The following EYA1 variants were observed in gnomAD, a reference collection of about 807,000 sequenced individuals.
The protein encoded by EYA1 is protein phosphatase EYA1.
EYA1 carries 16 observed loss-of-function variants against 82.0 expected under a neutral mutation model. The ratio of observed to expected loss-of-function variants is 0.20; its 90% CI spans 0.13 to 0.30. The LOEUF is 0.30. Among genes scored for constraint, EYA1 ranks in the 10% least tolerant of loss-of-function variants. EYA1 has a pLI of 1.00. For synonymous variants in EYA1, 261 were observed against 264.4 expected (o/e 0.99, Z 0.12); for missense variants, 633 against 730.7 (o/e 0.87, Z 1.54).
chr8:71,496,638 G>A (rs1365163124), intron 2 of EYA1, among the ~76,000 whole-genome samples: 1 of 152,040 alleles, frequency 6.6e-6, no homozygotes, highest in African/African-American at 2.4e-5. Context: ...TCTTTTATGT[G>A]AACTAACCTC....
chr8:71,207,820 C>T (rs1808007607), intron 17 of EYA1, among the ~76,000 whole-genome samples: 1 of 112,830 alleles, frequency 8.9e-6, no homozygotes. Context: ...AAGGATTTTC[C>T]AAATAATTGT....
At chr8:71,308,804 A>C (rs564093310) in intron 7 of EYA1, among the ~76,000 whole-genome samples, 2 of 151,956 alleles carry the variant, frequency 1.3e-5, no homozygotes, top group African/African-American at 4.8e-5. Flanking sequence ...ATCCCAGCCA[A>C]CATAAGAATG....
intron 2 of EYA1, among the ~76,000 whole-genome samples, chr8:71,399,968 A>C (rs1285513762): frequency 6.6e-6 from 1 of 152,198 alleles, no homozygotes; most frequent in Non-Finnish European, 1.5e-5. Flanking sequence ...CCAATGGAAC[A>C]GAACAGAGAT....
chr8:71,360,015 A>C (rs771537852), intron 1 of EYA1, among the ~76,000 whole-genome samples: 15 of 152,206 alleles, frequency 9.9e-5, no homozygotes, highest in Admixed American at 2.0e-4. Context: ...TAAATTTTAA[A>C]AATAAAAACC....
intron 1 of EYA1, among the ~76,000 whole-genome samples, chr8:71,543,310 A>T (rs1815298251): frequency 6.6e-6 from 1 of 152,206 alleles, no homozygotes; most frequent in African/African-American, 2.4e-5. Context: ...GGGGGTGATG[A>T]ACTGCAGAGT....
At chr8:71,379,265 C>T (rs1828555645) in intron 2 of EYA1, among the ~76,000 whole-genome samples, 1 of 152,044 alleles carries the variant, frequency 6.6e-6, no homozygotes, top group African/African-American at 2.4e-5. Context: ...TGTACATACT[C>T]CTACCCAGGT....
chr8:71,326,931 C>A (rs1174021329), intron 4 of EYA1, among the ~76,000 whole-genome samples: 1 of 152,194 alleles, frequency 6.6e-6, no homozygotes. Context: ...TGACCCTCAA[C>A]CCCAAGCCCT....
At chr8:71,460,937 A>C (rs542297813) in intron 2 of EYA1, among the ~76,000 whole-genome samples, 1 of 152,348 alleles carries the variant, frequency 6.6e-6, no homozygotes, top group Admixed American at 6.5e-5. Flanking sequence ...TAGAAATCAA[A>C]GAACTTGAAA....
At chr8:71,266,657 G>A (rs1321297376) in intron 11 of EYA1, among the ~76,000 whole-genome samples, 3 of 151,994 alleles carry the variant, frequency 2.0e-5, no homozygotes, top group Non-Finnish European at 4.4e-5. Flanking sequence ...ACTCCAAGGA[G>A]CCTCTAACCC....
At chr8:71,361,494 G>A (rs570582620) in intron 1 of EYA1, among the ~76,000 whole-genome samples, 153 bp downstream of exon 1, 27 of 152,172 alleles carry the variant, frequency 1.8e-4, no homozygotes, top group Admixed American at 3.9e-4. Flanking sequence ...TAAAGTACTA[G>A]GTACAAAGTG....
intron 2 of EYA1, among the ~76,000 whole-genome samples, chr8:71,460,315 G>C (rs1187491322): frequency 6.6e-6 from 1 of 152,170 alleles, no homozygotes; most frequent in Non-Finnish European, 1.5e-5. Context: ...TACACTTCTA[G>C]GGAAGTGACC....
rs556799160 is a variant in EYA1 at position 71,490,066 on chromosome 8, C to T, written c.33+45678G>A. 2.0e-5 allele frequency among the ~76,000 whole-genome samples: 3 copies of T among 152,324 alleles called. No homozygotes were observed. In the East Asian group the frequency reaches 5.8e-4, roughly 29 times the overall value. ...GGCATCTCCCAGAGGCTATGCTTTT[C>T]CTAACAATTTTCTAAACTACTGGCA... On this transcript the variant is annotated intron_variant, in intron 2 of 18. Transcript: ENST00000643681.
chr8:71,437,695 C>A (rs764659270), intron 2 of EYA1, among the ~76,000 whole-genome samples: 7 of 151,640 alleles, frequency 4.6e-5, no homozygotes, highest in Non-Finnish European at 7.4e-5. Context: ...ATTTTATTTG[C>A]AAGTTAGTGA....
chr8:71,408,198 G>T (rs1293707319), intron 2 of EYA1, among the ~76,000 whole-genome samples: 2 of 151,892 alleles, frequency 1.3e-5, no homozygotes, highest in African/African-American at 4.8e-5. Flanking sequence ...CACTAGGCCT[G>T]CCCTAAAAGA....
intron 2 of EYA1, among the ~76,000 whole-genome samples, chr8:71,466,861 C>T (rs1401197037): frequency 6.6e-6 from 1 of 152,094 alleles, no homozygotes; most frequent in African/African-American, 2.4e-5. Flanking sequence ...AAGTCTCTGT[C>T]TCTTCTTCTT....
chr8:71,218,579 G>A (rs1332821587), intron 12 of EYA1, among the ~76,000 whole-genome samples: 2 of 151,872 alleles, frequency 1.3e-5, no homozygotes, highest in Non-Finnish European at 3.0e-5. Context: ...TCAGATAAGA[G>A]AAAAGGAAAA....
intron 2 of EYA1, among the ~76,000 whole-genome samples, chr8:71,371,460 G>A (rs1296440089): frequency 6.6e-6 from 1 of 152,042 alleles, no homozygotes; most frequent in East Asian, 1.9e-4. Context: ...TTATACCTGG[G>A]GACCTCCTAA....
chr8:71,369,512 A>G (rs1448572348), intron 2 of EYA1, among the ~76,000 whole-genome samples: 1 of 152,244 alleles, frequency 6.6e-6, no homozygotes, highest in African/African-American at 2.4e-5. Context: ...TATAAAATGG[A>G]TGCAGTGGTA....
chr8:71,216,916 A>T, intron 13 of EYA1, 49 bp downstream of exon 13: 1 of 1,610,954 alleles, frequency 6.2e-7, no homozygotes, highest in Non-Finnish European at 8.5e-7. Flanking sequence ...TTAGGTAAGT[A>T]ATTAAACTAT....
Sources: allele counts gnomAD v4.1 joint callset (sites outside exome capture counted in the v4.1 genomes callset), GRCh38; gene constraint gnomAD v4.1.1; transcripts MANE v1.5; gene names NCBI Gene and HGNC (gene_info 2026-07-23, HGNC 2026-07-21).